SPIDR: variants seen among roughly 807,000 people sequenced by gnomAD.
SPIDR encodes DNA repair-scaffolding protein.
SPIDR carries 93 observed loss-of-function variants against 104.6 expected under a neutral mutation model. The observed-to-expected ratio is 0.89, with a 90% CI of 0.75 to 1.06. The LOEUF is 1.06. SPIDR is among the 50% of genes least tolerant of loss of function. The probability of loss-of-function intolerance (pLI) is 0.00; values close to 1 mark genes in which losing one functional copy is unlikely to be tolerated. For synonymous variants in SPIDR, 431 were observed against 416.9 expected (o/e 1.03, Z -0.41); for missense variants, 1,154 against 1,111.2 (o/e 1.04, Z -0.55).
intron 10 of SPIDR, among the ~76,000 whole-genome samples, chr8:47,638,330 G>A (rs2068286914): frequency 1.3e-5 from 2 of 152,146 alleles, no homozygotes; most frequent in Non-Finnish European, 2.9e-5. Context: ...ATTTAAAAAA[G>A]AGACAGGGTC....
chr8:47,601,623 G>T (rs576580584), intron 10 of SPIDR, among the ~76,000 whole-genome samples: 1 of 152,204 alleles, frequency 6.6e-6, no homozygotes, highest in African/African-American at 2.4e-5. Context: ...AAACAGGGAG[G>T]CGGAGGTTGC....
chr8:47,339,432 T>C (rs947965969), intron 5 of SPIDR, among the ~76,000 whole-genome samples: 9 of 152,316 alleles, frequency 5.9e-5, no homozygotes, highest in Admixed American at 4.6e-4. Flanking sequence ...TTACCATTCT[T>C]TTTATGTAAT....
At chr8:47,719,370 A>C (rs961385414) in intron 16 of SPIDR, among the ~76,000 whole-genome samples, 1 of 152,200 alleles carries the variant, frequency 6.6e-6, no homozygotes, top group East Asian at 1.9e-4. Context: ...TTAGCTGGGC[A>C]TGGTGGCAGG....
At chr8:47,604,169 ATTTAG>A (rs2062656096) in intron 10 of SPIDR, among the ~76,000 whole-genome samples, 3 of 152,218 alleles carry the variant, frequency 2.0e-5, no homozygotes, top group Non-Finnish European at 4.4e-5. Context: ...AATGGACATA[ATTTAG>A]TTTAGAGGGT....
intron 11 of SPIDR, among the ~76,000 whole-genome samples, chr8:47,680,032 C>G (rs982056881): frequency 2.6e-5 from 4 of 152,170 alleles, no homozygotes; most frequent in African/African-American, 9.7e-5. Flanking sequence ...CGACCCATTA[C>G]TGTATGCGGT....
intron 10 of SPIDR, among the ~76,000 whole-genome samples, chr8:47,664,983 A>G (rs1451757237): frequency 6.6e-6 from 1 of 152,166 alleles, no homozygotes; most frequent in African/African-American, 2.4e-5. Flanking sequence ...AATGTTGGAC[A>G]TGATTAAGTG....
chr8:47,274,951 A>G (rs1302961674), intron 1 of SPIDR, among the ~76,000 whole-genome samples: 7 of 151,676 alleles, frequency 4.6e-5, no homozygotes, highest in African/African-American at 1.7e-4. Context: ...CTAGAAAATA[A>G]AGACTACAAT....
intron 5 of SPIDR, among the ~76,000 whole-genome samples, chr8:47,303,257 T>C (rs1413282193): frequency 1.3e-5 from 2 of 152,210 alleles, no homozygotes; most frequent in Non-Finnish European, 2.9e-5. Flanking sequence ...TTGTGGGATA[T>C]AATCTCCTGG....
chr8:47,706,378 G>A (rs938712082), intron 14 of SPIDR, among the ~76,000 whole-genome samples: 3 of 152,206 alleles, frequency 2.0e-5, no homozygotes, highest in Non-Finnish European at 2.9e-5. Flanking sequence ...GGGCGACAGA[G>A]TGAGACTCTG....
In SPIDR at chr8:47,599,053, T is replaced by G. The variant is rs2061952704; in HGVS notation, c.1401T>G (p.Asp467Glu). 6.2e-7 allele frequency: 1 copy of G among 1,613,030 alleles called. No homozygotes were observed. The highest frequency in any genetic ancestry group is 1.3e-5 in the African/African-American group (1 of 75,008). ...CTCCCCTGAGGGATTCTCTCCTGGA[T>G]GTGGTGGAAAGCCAGGGAGCTGCCT... is the stretch of plus-strand genomic sequence containing the variant. Reference protein sequence around the residue: ...TSTPLRDSLLDVVESQGAASW... With the variant: ...TSTPLRDSLLEVVESQGAASW... The change falls in exon 10 of 20, where the codon GAT becomes GAG. Residue 467 changes from aspartate to glutamate, a missense_variant. By Grantham distance (45) the Asp-to-Glu change is conservative. Coordinates refer to ENST00000297423, the MANE Select transcript of SPIDR (RefSeq NM_001080394.4).
At chr8:47,363,018 C>T (rs562460938) in intron 5 of SPIDR, among the ~76,000 whole-genome samples, 5 of 152,022 alleles carry the variant, frequency 3.3e-5, no homozygotes, top group South Asian at 2.1e-4. Flanking sequence ...AATCCTATTC[C>T]GCCTGCAGAT....
At chr8:47,663,059 A>G (rs1464717257) in intron 10 of SPIDR, among the ~76,000 whole-genome samples, 1 of 152,112 alleles carries the variant, frequency 6.6e-6, no homozygotes, top group African/African-American at 2.4e-5. Context: ...TGTCTTTCTT[A>G]TTATCTTCTA....
intron 14 of SPIDR, among the ~76,000 whole-genome samples, chr8:47,710,124 C>G (rs1226782335): frequency 6.6e-6 from 1 of 152,100 alleles, no homozygotes; most frequent in East Asian, 1.9e-4. Context: ...GTGATCCACC[C>G]GCCTTGGTCT....
chr8:47,509,450 G>A (rs976685069), intron 8 of SPIDR, among the ~76,000 whole-genome samples: 20 of 152,104 alleles, frequency 1.3e-4, no homozygotes, highest in African/African-American at 4.1e-4. Flanking sequence ...CTATTACAGG[G>A]GGCTGTTAAA....
In SPIDR at chr8:47,358,392, A is replaced by AT. The variant is rs1353262679; in HGVS notation, c.526-37976dup. Among the ~76,000 whole-genome samples the AT allele has an allele frequency of 4.6e-5, 7 of 152,044 alleles. No homozygotes were observed. In the East Asian group the frequency reaches 9.6e-4, roughly 21 times the overall value. ...TGTGAGCCTCCTTGCCTGGTCATTT[A>AT]TTTTTTTTAATTTTTAAAGAAATAA... On this transcript the variant is annotated intron_variant, in intron 5 of 19. Coordinates refer to ENST00000297423, the MANE Select transcript of SPIDR (RefSeq NM_001080394.4).
At chr8:47,503,457 A>G (rs1326226946) in intron 8 of SPIDR, among the ~76,000 whole-genome samples, 1 of 151,212 alleles carries the variant, frequency 6.6e-6, no homozygotes, top group Non-Finnish European at 1.5e-5. Context: ...TAGGATTGCA[A>G]CCCCTGCCGT....
At chr8:47,431,772 A>C (rs1033752935) in intron 7 of SPIDR, among the ~76,000 whole-genome samples, 1 of 152,222 alleles carries the variant, frequency 6.6e-6, no homozygotes, top group Non-Finnish European at 1.5e-5. Context: ...AAGGCAAAAA[A>C]TGTGGAATCA....
chr8:47,574,468 G>A (rs577972149), intron 8 of SPIDR, among the ~76,000 whole-genome samples: 7 of 151,918 alleles, frequency 4.6e-5, no homozygotes, highest in Non-Finnish European at 1.0e-4. Flanking sequence ...ATTAAAACAT[G>A]TTCTACAGGC....
At chr8:47,614,816 A>G (rs1311236383) in intron 10 of SPIDR, among the ~76,000 whole-genome samples, 1 of 152,166 alleles carries the variant, frequency 6.6e-6, no homozygotes, top group Non-Finnish European at 1.5e-5. Context: ...ATTCCCATCA[A>G]CAGTGTAACA....
Sources: allele counts gnomAD v4.1 joint callset (sites outside exome capture counted in the v4.1 genomes callset), GRCh38; gene constraint gnomAD v4.1.1; transcripts MANE v1.5; gene names NCBI Gene and HGNC (gene_info 2026-07-23, HGNC 2026-07-21).